Variants in KDM4A observed in about 807,000 individuals in gnomAD.
KDM4A encodes lysine-specific demethylase 4A.
Under a neutral mutation model 127.1 loss-of-function variants are expected in KDM4A, and 23 were observed. That is an observed-to-expected ratio of 0.18 (90% CI 0.13 to 0.26). The LOEUF (loss-of-function observed/expected upper bound fraction) is 0.26, where lower values mean the gene tolerates loss of function less well. KDM4A is among the 10% of genes least tolerant of loss of function. KDM4A has a pLI of 1.00. For synonymous variants in KDM4A, 443 were observed against 466.5 expected, an observed-to-expected ratio of 0.95 and a Z score of 0.65; for missense variants, 890 against 1,329.1, an observed-to-expected ratio of 0.67 and a Z score of 5.14.
intron 12 of KDM4A, among the ~76,000 whole-genome samples, chr1:43,686,355 C>T (rs1359047187): frequency 2.6e-4 from 28 of 106,380 alleles, no homozygotes; most frequent in Non-Finnish European, 4.4e-4. Flanking sequence ...TTTTTTGAGA[C>T]GGAGTCTTAC....
Position 43,650,194 on chromosome 1 carries a change from A to G in KDM4A, c.-98A>G. 6.6e-6 allele frequency: 1 copy of G among 152,466 alleles called. No homozygotes were observed. Among genetic ancestry groups the G allele is most frequent in the Non-Finnish European group, 1.5e-5 (1 of 68,146 alleles). The allele number at this position is 152,466 out of a possible 1,614,324, so 9.4% of individuals were successfully genotyped here. On this transcript the variant is annotated 5_prime_UTR_variant, in exon 1 of 22. Transcript: ENST00000372396. Reference sequence around the variant, plus strand: ...CTTCGCCTGCTGGAAAAGCAGTAGGATCGGCCAGTGGCGACAGCAGGAGCT... The same window carrying G: ...CTTCGCCTGCTGGAAAAGCAGTAGGGTCGGCCAGTGGCGACAGCAGGAGCT...
rs553773834 is a variant in KDM4A, at chr1:43,688,582, A to G, written c.1856-332A>G. 3.3e-5 allele frequency among the ~76,000 whole-genome samples: 5 copies of G among 152,298 alleles called. No homozygotes were observed. The highest frequency in any genetic ancestry group is 1.2e-4 in the African/African-American group (5 of 41,566). The stretch of plus-strand genomic sequence containing the variant: ...ATGGTTTTTGGCAAGATGGTGCTTC[A>G]TTCTGCTGTCCTTGGGCAGAAGGGC... On this transcript the variant is annotated intron_variant, in intron 12 of 21. Transcript: ENST00000372396. The surrounding 1 kb of genome is among the most constrained non-coding windows in gnomAD (Gnocchi z 4.4).
intron 11 of KDM4A, among the ~76,000 whole-genome samples, 155 bp from the exon 12 acceptor site, chr1:43,683,529 T>C (rs1414582392): frequency 6.6e-6 from 1 of 152,204 alleles, no homozygotes; most frequent in Non-Finnish European, 1.5e-5. Context: ...GGTATTGTCA[T>C]TTGGCTTTTT....
intron 14 of KDM4A, 120 bp downstream of exon 14, chr1:43,691,169 T>G: frequency 9.8e-7 from 1 of 1,015,738 alleles, no homozygotes; most frequent in South Asian, 1.4e-5. Context: ...TATTGGGGAG[T>G]CTGTTGCTAG....
Position 43,704,932 on chromosome 1 carries a change from G to C in KDM4A, c.*562G>C, listed in dbSNP as rs896773246. On this transcript the variant is annotated 3_prime_UTR_variant, in exon 22 of 22. Transcript: ENST00000372396. Reference sequence around the variant, plus strand: ...AGTAAGGGCTCCTGGGGGTTGGCTGGAGATGGGTGTGGCATCTGTCCAGGC... The same window carrying C: ...AGTAAGGGCTCCTGGGGGTTGGCTGCAGATGGGTGTGGCATCTGTCCAGGC... 2.6e-5 allele frequency: 4 copies of C among 155,806 alleles called. No individual in the cohort carries two copies. The highest frequency in any genetic ancestry group is 7.2e-5 in the African/African-American group (3 of 41,478). The allele number at this position is 155,806 out of a possible 1,614,324, so 9.7% of individuals were successfully genotyped here. A position where few individuals can be genotyped will look rare whatever the true frequency, so the allele number is the denominator to read the frequency against.
At chr1:43,668,630 C>T (rs1660553194) in intron 9 of KDM4A, among the ~76,000 whole-genome samples, 1 of 152,114 alleles carries the variant, frequency 6.6e-6, no homozygotes, top group Non-Finnish European at 1.5e-5. Context: ...CCAGAAAAGT[C>T]ATGTTTTCTC....
intron 7 of KDM4A, 95 bp from the exon 8 acceptor site, chr1:43,666,859 C>G: frequency 7.7e-7 from 1 of 1,294,062 alleles, no homozygotes; most frequent in Non-Finnish European, 1.1e-6. Flanking sequence ...ATGACTTACC[C>G]TTTGTTACTC....
intron 18 of KDM4A, among the ~76,000 whole-genome samples, chr1:43,696,489 T>G (rs1661243193): frequency 6.6e-6 from 1 of 152,210 alleles, no homozygotes; most frequent in African/African-American, 2.4e-5. Context: ...TTCTTTTTCA[T>G]AAAGATGTTG....
At chr1:43,664,101 C>A (rs1350867799) in intron 5 of KDM4A, among the ~76,000 whole-genome samples, 1 of 152,100 alleles carries the variant, frequency 6.6e-6, no homozygotes, top group East Asian at 1.9e-4. Flanking sequence ...CTAAGGTCCA[C>A]ATAAGAAGGA....
At chr1:43,665,610 T>C in intron 5 of KDM4A, 86 bp from the exon 6 acceptor site, 1 of 1,268,946 alleles carries the variant, frequency 7.9e-7, no homozygotes, top group Non-Finnish European at 1.1e-6. Context: ...AATCTGCTAT[T>C]TCAAGGTGTT....
intron 13 of KDM4A, among the ~76,000 whole-genome samples, chr1:43,690,326 ATT>A (rs774067063): frequency 2.8e-5 from 4 of 144,350 alleles, no homozygotes; most frequent in Admixed American, 6.9e-5. Context: ...ATCTCCGTGC[ATT>A]TTTTTTTTTT....
At chr1:43,658,859 C>G (rs967409332) in intron 3 of KDM4A, among the ~76,000 whole-genome samples, 1 of 151,904 alleles carries the variant, frequency 6.6e-6, no homozygotes, top group Admixed American at 6.6e-5. Flanking sequence ...TTGCTGGTCT[C>G]AAACTCTTGG....
At chr1:43,692,748 A>G (rs1661147132) in intron 16 of KDM4A, among the ~76,000 whole-genome samples, 1 of 152,178 alleles carries the variant, frequency 6.6e-6, no homozygotes, top group African/African-American at 2.4e-5. Flanking sequence ...GAGTGTGCTC[A>G]AGGAGGACAC....
chr1:43,673,022 A>G (rs1020044543), intron 11 of KDM4A, among the ~76,000 whole-genome samples: 4 of 152,086 alleles, frequency 2.6e-5, no homozygotes, highest in Admixed American at 2.6e-4. Flanking sequence ...ATGCATTCCC[A>G]AAGCTATAAA....
rs551303203 is a variant in KDM4A, at chr1:43,693,444, G to A, written c.2376-550G>A. 6.6e-6 allele frequency among the ~76,000 whole-genome samples: 1 copy of A among 152,302 alleles called. No individual in the cohort carries two copies. Among genetic ancestry groups the A allele is most frequent in the African/African-American group, 2.4e-5 (1 of 41,560 alleles). ...CTTACTTTAATTCTTAAGGATGTCC[G>A]TTGAATAGACCTCTCAGAGTAAGTG... On this transcript the variant is annotated intron_variant, in intron 16 of 21. Transcript: ENST00000372396. This position sits in a 1 kb window ranked among gnomAD's most constrained non-coding sequence, Gnocchi z 4.2.
At chr1:43,667,678 C>G in intron 8 of KDM4A, 94 bp from the exon 9 acceptor site, 2 of 1,525,022 alleles carry the variant, frequency 1.3e-6, no homozygotes, top group East Asian at 4.5e-5. Context: ...CCATCTTGCA[C>G]TTGTTTCCAT....
intron 13 of KDM4A, 93 bp downstream of exon 13, chr1:43,689,188 T>A: frequency 7.5e-7 from 1 of 1,336,884 alleles, no homozygotes. Context: ...ACTGGTTGTC[T>A]TGGGAAAGGC....
intron 12 of KDM4A, 86 bp downstream of exon 12, chr1:43,683,890 G>T: frequency 1.3e-6 from 2 of 1,494,318 alleles, no homozygotes; most frequent in South Asian, 1.2e-5. Flanking sequence ...CCAAGCTGAG[G>T]GATAAGGGTG....
intron 3 of KDM4A, among the ~76,000 whole-genome samples, chr1:43,656,495 G>A (rs1346145945): frequency 1.3e-5 from 2 of 150,742 alleles, no homozygotes; most frequent in African/African-American, 4.9e-5. Flanking sequence ...GCGCCACCAT[G>A]CTTGGCTATT....
Sources: gnomAD v4.1 joint callset for allele counts (sites outside exome capture counted in the v4.1 genomes callset) on GRCh38, gnomAD v4.1.1 for gene constraint, Gnocchi (gnomAD v3.1) non-coding constraint, MANE v1.5 for transcripts, NCBI Gene and HGNC (gene_info 2026-07-23, HGNC 2026-07-21) for gene names.